Variants in CNTN4 observed in about 807,000 individuals in gnomAD.
The protein encoded by CNTN4 is contactin 4, also known as contactin-4.
Under a neutral mutation model 122.5 loss-of-function variants are expected in CNTN4, and 77 were observed. That is an observed-to-expected ratio of 0.63 (90% CI 0.52 to 0.76). The LOEUF is 0.76. Among genes scored for constraint, CNTN4 ranks in the 30% least tolerant of loss-of-function variants. CNTN4 has a pLI of 0.00. For synonymous variants in CNTN4, 512 were observed against 447.0 expected, an observed-to-expected ratio of 1.15 and a Z score of -1.83; for missense variants, 1,256 against 1,259.1, an observed-to-expected ratio of 1.00 and a Z score of 0.04.
At chr3:2,381,086 A>G (rs1575505665) in intron 3 of CNTN4, among the ~76,000 whole-genome samples, 1 of 151,292 alleles carries the variant, frequency 6.6e-6, no homozygotes, top group Admixed American at 6.6e-5. Context: ...GCTCACTGCA[A>G]CCTCTGCCTT....
chr3:2,527,102 A>G (rs930851646), intron 3 of CNTN4, among the ~76,000 whole-genome samples: 2 of 152,158 alleles, frequency 1.3e-5, no homozygotes, highest in Non-Finnish European at 2.9e-5. Context: ...ATCCAGCTGC[A>G]GTGTGGGTGC....
Position 2,887,033 on chromosome 3 carries a change from C to G in CNTN4, c.756-7C>G, listed in dbSNP as rs776720067. On this transcript the variant is annotated splice_polypyrimidine_tract_variant and splice_region_variant and intron_variant, in intron 9 of 24. Coordinates refer to ENST00000418658, the MANE Select transcript of CNTN4 (RefSeq NM_175607.3). ...TTTGATTCACTCCTTTTTATTCTTG[C>G]TATCAGTCCAGTACCAACTATTATC... 1 of 1,612,586 alleles carries G rather than the reference C, an allele frequency of 6.2e-7. No individual in the cohort carries two copies. The highest frequency in any genetic ancestry group is 8.5e-7 in the Non-Finnish European group (1 of 1,179,048).
chr3:3,033,142 TA>T lies in CNTN4; in HGVS notation c.1784-1482del, dbSNP rs567983246. Reference sequence around the variant, plus strand: ...TAAAGGACATCAGTGCAGCATCCATTAAAAAAAATGGTGGGGAATGCTAGGA... The same window carrying T: ...TAAAGGACATCAGTGCAGCATCCATTAAAAAAATGGTGGGGAATGCTAGGA... On this transcript the variant is annotated intron_variant, in intron 16 of 24. Transcript: ENST00000418658. Among the ~76,000 whole-genome samples the T allele has an allele frequency of 5.3e-5, 8 of 151,898 alleles. No individual in the cohort carries two copies. The South Asian group carries it at 8.3e-4, about 16-fold the overall frequency.
At chr3:2,630,322 C>T (rs936839051) in intron 4 of CNTN4, among the ~76,000 whole-genome samples, 3 of 152,072 alleles carry the variant, frequency 2.0e-5, no homozygotes, top group African/African-American at 7.2e-5. Context: ...AACTGTAGTC[C>T]CAACTACTCG....
intron 13 of CNTN4, among the ~76,000 whole-genome samples, chr3:2,960,172 C>G (rs1030727000): frequency 5.9e-5 from 9 of 152,096 alleles, no homozygotes; most frequent in African/African-American, 2.2e-4. Context: ...GGCTACATCC[C>G]TAGTGAAAAT....
intron 4 of CNTN4, among the ~76,000 whole-genome samples, chr3:2,600,407 G>C (rs1283560939): frequency 1.3e-5 from 2 of 151,938 alleles, no homozygotes; most frequent in East Asian, 3.9e-4. Flanking sequence ...GTGTCCAAGT[G>C]TTCTCATTGT....
chr3:2,373,633 T>G (rs2150686284), intron 3 of CNTN4, among the ~76,000 whole-genome samples: 1 of 152,342 alleles, frequency 6.6e-6, no homozygotes, highest in Middle Eastern at 3.4e-3. Flanking sequence ...ATTTAAAATC[T>G]GTTAATGGGT....
chr3:2,919,892 T>C (rs1235222109), intron 12 of CNTN4, among the ~76,000 whole-genome samples: 2 of 152,196 alleles, frequency 1.3e-5, no homozygotes, highest in Non-Finnish European at 2.9e-5. Context: ...AATAATGTTC[T>C]AAAATGTCTT....
chr3:2,415,728 A>G (rs1162299289), intron 3 of CNTN4, among the ~76,000 whole-genome samples: 1 of 152,140 alleles, frequency 6.6e-6, no homozygotes, highest in Non-Finnish European at 1.5e-5. Context: ...TAAGTTTCAG[A>G]AACTTTCTAA....
At position 2,352,776 on chromosome 3, in the gene CNTN4, C is replaced by T. The variant is rs140873829; in HGVS notation, c.-89+13543C>T. 2.6e-4 allele frequency among the ~76,000 whole-genome samples: 40 copies of T among 152,328 alleles called. No individual in the cohort carries two copies. In the East Asian group the frequency reaches 6.2e-3, roughly 24 times the overall value. On this transcript the variant is annotated intron_variant, in intron 3 of 24. Coordinates refer to ENST00000418658, the MANE Select transcript of CNTN4 (RefSeq NM_175607.3). ...CCAAGGGCTGAGGAGTGCAGGTGCACGGTGCGGGACTGGTGGGCAGCAGGG... is the reference window on the plus strand; with the variant it reads ...CCAAGGGCTGAGGAGTGCAGGTGCATGGTGCGGGACTGGTGGGCAGCAGGG...
chr3:2,158,989 A>C (rs2035839613), intron 2 of CNTN4, among the ~76,000 whole-genome samples: 1 of 152,094 alleles, frequency 6.6e-6, no homozygotes, highest in Non-Finnish European at 1.5e-5. Context: ...ACAGGCTTTC[A>C]GTTTGCAGTC....
At chr3:2,822,410 G>A (rs149801763) in intron 7 of CNTN4, among the ~76,000 whole-genome samples, 1 of 152,106 alleles carries the variant, frequency 6.6e-6, no homozygotes, top group Non-Finnish European at 1.5e-5. Context: ...TAAACATCTT[G>A]TTTATCAAGT....
Position 2,976,558 on chromosome 3 carries a change from T to A in CNTN4, c.1359-11787T>A, listed in dbSNP as rs1426617628. Among the ~76,000 whole-genome samples, 3 of 152,268 alleles carry A rather than the reference T, an allele frequency of 2.0e-5. 1 individual carries two copies. In the South Asian group the frequency reaches 6.2e-4, roughly 32 times the overall value. Reference sequence around the variant, plus strand: ...AGGTCAATGACAGGTTTGCCTGAAATTACCCCGGGAGGAGGTGTCTTCCTA... The same window carrying A: ...AGGTCAATGACAGGTTTGCCTGAAAATACCCCGGGAGGAGGTGTCTTCCTA... On this transcript the variant is annotated intron_variant, in intron 13 of 24. Transcript: ENST00000418658.
chr3:2,313,909 A>G (rs1454754870), intron 2 of CNTN4, among the ~76,000 whole-genome samples: 1 of 152,020 alleles, frequency 6.6e-6, no homozygotes, highest in Non-Finnish European at 1.5e-5. Flanking sequence ...TGAAAAAGGA[A>G]TAACTGTAAA....
intron 6 of CNTN4, among the ~76,000 whole-genome samples, chr3:2,766,031 A>G (rs9310847): frequency 0.3 from 45,228 of 151,984 alleles, 8,597 homozygotes; most frequent in African/African-American, 0.54. Flanking sequence ...ATCCTACTTT[A>G]TGATGGCCCT....
chr3:2,668,068 G>A (rs527431701), intron 4 of CNTN4, among the ~76,000 whole-genome samples: 41 of 152,136 alleles, frequency 2.7e-4, no homozygotes, highest in Admixed American at 7.2e-4. Flanking sequence ...TTGTCTTGGC[G>A]ATGCGGGCTC....
chr3:3,003,261 G>A (rs1317162583), intron 14 of CNTN4, among the ~76,000 whole-genome samples: 1 of 151,684 alleles, frequency 6.6e-6, no homozygotes, highest in Non-Finnish European at 1.5e-5. Context: ...ATGTGTAGAT[G>A]TATCAGAAGG....
chr3:2,436,682 C>T (rs1398067283), intron 3 of CNTN4, among the ~76,000 whole-genome samples: 1 of 151,808 alleles, frequency 6.6e-6, no homozygotes, highest in Non-Finnish European at 1.5e-5. Flanking sequence ...TATATATATT[C>T]ATTCTCACTA....
chr3:2,466,970 C>CTTTTTTTTTTTTTTTTTTTTTTTTTCT (rs60879017), intron 3 of CNTN4, among the ~76,000 whole-genome samples: 1 of 115,812 alleles, frequency 8.6e-6, no homozygotes. Flanking sequence ...TTCTTTCTTT[C>CTTTTTTTTTTTTTTTTTTTTTTTTTCT]TTTTTTTTTT....
Sources: gnomAD v4.1 joint callset for allele counts (sites outside exome capture counted in the v4.1 genomes callset) on GRCh38, gnomAD v4.1.1 for gene constraint, MANE v1.5 for transcripts, NCBI Gene and HGNC (gene_info 2026-07-23, HGNC 2026-07-21) for gene names.